GRM4: variants seen among roughly 807,000 people sequenced by gnomAD.
GRM4 encodes the protein glutamate metabotropic receptor 4.
GRM4 carries 28 observed loss-of-function variants against 81.7 expected under a neutral mutation model. The ratio of observed to expected loss-of-function variants is 0.34; its 90% CI spans 0.25 to 0.47. The LOEUF is 0.47. GRM4 is among the 20% of genes least tolerant of loss of function. GRM4 has a pLI of 1.00. For missense variants in GRM4, 948 were observed against 1,290.0 expected (o/e 0.73, Z 4.06); for synonymous variants, 488 against 528.8 (o/e 0.92, Z 1.06).
At chr6:34,040,147 C>T in intron 8 of GRM4, 31 bp downstream of exon 8, 1 of 1,608,472 alleles carries the variant, frequency 6.2e-7, no homozygotes, top group Non-Finnish European at 8.5e-7. Flanking sequence ...GCGTGAGTCA[C>T]TCTCCACCCA....
chr6:34,055,166 T>C (rs1562029107), intron 6 of GRM4: 1 of 152,170 alleles, frequency 6.6e-6, no homozygotes, highest in Non-Finnish European at 1.5e-5. Context: ...AGTGGATACA[T>C]AGTAAACAGC....
At chr6:34,094,033 T>C (rs1292946226) in intron 2 of GRM4, among the ~76,000 whole-genome samples, 1 of 152,104 alleles carries the variant, frequency 6.6e-6, no homozygotes, top group Non-Finnish European at 1.5e-5. Context: ...TTAAAGAAGT[T>C]CCAGCCAGAT....
chr6:34,043,847 C>G (rs1765129965), intron 6 of GRM4, among the ~76,000 whole-genome samples: 2 of 152,166 alleles, frequency 1.3e-5, no homozygotes, highest in African/African-American at 4.8e-5. Flanking sequence ...CTCCAGAGTG[C>G]TAGGCCTCGG....
intron 2 of GRM4, chr6:34,110,705 C>A: frequency 6.6e-7 from 1 of 1,522,900 alleles, no homozygotes; most frequent in Non-Finnish European, 8.8e-7. Flanking sequence ...CCTCAGCCTC[C>A]CCGCTGTGCC....
chr6:34,044,516 A>C (rs1334071130), intron 6 of GRM4, among the ~76,000 whole-genome samples: 24 of 150,814 alleles, frequency 1.6e-4, no homozygotes, highest in Admixed American at 1.6e-3. Context: ...ACACACACAG[A>C]CATACATACA....
intron 3 of GRM4, among the ~76,000 whole-genome samples, chr6:34,066,187 G>A (rs562071006): frequency 9.2e-5 from 14 of 152,204 alleles, no homozygotes; most frequent in African/African-American, 2.6e-4. Flanking sequence ...GTGCTTCCCC[G>A]TCCACACTCG....
In GRM4 at chr6:34,133,738, G is replaced by A; in HGVS notation, c.-242C>T. On this transcript the variant is annotated 5_prime_UTR_variant, in exon 2 of 11. The change creates a premature stop within an existing upstream ORF in the 5' untranslated region. Transcript: ENST00000538487. The surrounding 1 kb of genome is among the most constrained non-coding windows in gnomAD (Gnocchi z 6.5). ...GTGGCCGGGGTTGCAGGAAGGCTCT[G>A]ATCCTTGTCCCGTCCTGCAGGCCTG... 1 of 1,287,370 alleles carries A rather than the reference G, an allele frequency of 7.8e-7. No individual in the cohort carries two copies. The highest frequency in any genetic ancestry group is 9.8e-7 in the Non-Finnish European group (1 of 1,021,378). The allele number at this position is 1,287,370 out of a possible 1,614,324, so 79.7% of individuals were successfully genotyped here.
intron 3 of GRM4, among the ~76,000 whole-genome samples, chr6:34,066,214 G>A (rs912816685): frequency 1.3e-5 from 2 of 152,102 alleles, no homozygotes; most frequent in African/African-American, 4.8e-5. Flanking sequence ...GGGAAACCCC[G>A]GCACGTGGGC....
At chr6:34,135,363 T>C (rs1770417801) in intron 1 of GRM4, among the ~76,000 whole-genome samples, 1 of 152,256 alleles carries the variant, frequency 6.6e-6, no homozygotes, top group African/African-American at 2.4e-5. Context: ...TCATATTACC[T>C]CCTCAGAAAC....
chr6:34,110,518 C>A, intron 2 of GRM4: 3 of 502,594 alleles, frequency 6.0e-6, no homozygotes, highest in Admixed American at 6.8e-5. Context: ...CCTCTGCCAA[C>A]TGGGCTTTTC....
intron 2 of GRM4, among the ~76,000 whole-genome samples, chr6:34,124,259 T>C (rs1561827314): frequency 6.6e-6 from 1 of 152,146 alleles, no homozygotes; most frequent in Non-Finnish European, 1.5e-5. Flanking sequence ...TCTGCACGTG[T>C]TACTGCCTCT....
Position 34,115,450 on chromosome 6 carries a change from C to T in GRM4, c.519+17528G>A, listed in dbSNP as rs1254724337. On this transcript the variant is annotated intron_variant, in intron 2 of 10. Coordinates refer to ENST00000538487, the MANE Select transcript of GRM4 (RefSeq NM_000841.4). The surrounding 1 kb of genome is among the most constrained non-coding windows in gnomAD (Gnocchi z 4.1). ...CAACTCCCACCAAAACTGGCAGGAG[C>T]GCACCCCCTGGGAAGCATAACCACC... 1.3e-5 allele frequency among the ~76,000 whole-genome samples: 2 copies of T among 152,290 alleles called. No homozygotes were observed. The highest frequency in any genetic ancestry group is 3.9e-4 in the East Asian group (2 of 5,182).
intron 2 of GRM4, among the ~76,000 whole-genome samples, chr6:34,125,663 G>A (rs1050220970): frequency 6.6e-6 from 1 of 152,196 alleles, no homozygotes; most frequent in Non-Finnish European, 1.5e-5. Context: ...GTAGCCACGG[G>A]GGCTCTGAGC....
chr6:34,027,978 G>A, intron 10 of GRM4, 142 bp downstream of exon 10: 2 of 907,144 alleles, frequency 2.2e-6, no homozygotes, highest in Non-Finnish European at 3.2e-6. Context: ...GTAGCCTCAG[G>A]GTTCCCCCAG....
At chr6:34,117,817 C>T (rs143251542) in intron 2 of GRM4, among the ~76,000 whole-genome samples, 3 of 152,218 alleles carry the variant, frequency 2.0e-5, no homozygotes, top group African/African-American at 7.2e-5. Flanking sequence ...CAAGGCTGCA[C>T]TGTCGCATCT....
chr6:34,049,808 C>T (rs1435017824), intron 6 of GRM4, among the ~76,000 whole-genome samples: 1 of 152,066 alleles, frequency 6.6e-6, no homozygotes, highest in East Asian at 1.9e-4. Context: ...AGAATCTGAC[C>T]CCTTCGCACC....
At chr6:34,033,289 A>G (rs3778051) in intron 9 of GRM4, among the ~76,000 whole-genome samples, 2,423 of 152,224 alleles carry the variant, frequency 0.016, 21 homozygotes, top group East Asian at 0.024. Flanking sequence ...TAGGGCCCCC[A>G]CAGGGCCCCC....
At chr6:34,051,164 T>G (rs759244325) in intron 6 of GRM4, among the ~76,000 whole-genome samples, 1 of 152,056 alleles carries the variant, frequency 6.6e-6, no homozygotes, top group South Asian at 2.1e-4. Flanking sequence ...GGGGCTGGGA[T>G]AGCACCTGGT....
At position 34,048,902 on chromosome 6, in the gene GRM4, G is replaced by A. The variant is rs1460721730; in HGVS notation, c.1168+7642C>T. 6.6e-6 allele frequency among the ~76,000 whole-genome samples: 1 copy of A among 152,108 alleles called. No homozygotes were observed. Among genetic ancestry groups the A allele is most frequent in the Non-Finnish European group, 1.5e-5 (1 of 68,020 alleles). On this transcript the variant is annotated intron_variant, in intron 6 of 10. Coordinates refer to ENST00000538487, the MANE Select transcript of GRM4 (RefSeq NM_000841.4). The surrounding 1 kb of genome is among the most constrained non-coding windows in gnomAD (Gnocchi z 4.0). ...CTTCCTGTACAGCCTGCAGAACTGT[G>A]AGCCAATTAAACCTCCTGTCTTCAT...
Sources: gnomAD v4.1 joint callset for allele counts (sites outside exome capture counted in the v4.1 genomes callset) on GRCh38, gnomAD v4.1.1 for gene constraint, Gnocchi (gnomAD v3.1) non-coding constraint, MANE v1.5 for transcripts, NCBI Gene and HGNC (gene_info 2026-07-23, HGNC 2026-07-21) for gene names.